MYOT: variants seen among roughly 807,000 people sequenced by gnomAD.
MYOT encodes the protein myotilin, also known as 57 kDa cytoskeletal protein.
A neutral mutation model predicts 58.0 loss-of-function variants in MYOT; 36 were observed. The ratio of observed to expected loss-of-function variants is 0.62; its 90% confidence interval spans 0.48 to 0.82. The LOEUF (loss-of-function observed/expected upper bound fraction) is 0.82, where lower values mean the gene tolerates loss of function less well. Ranked by LOEUF, MYOT falls within the 40% of genes least tolerant of loss-of-function variation. MYOT has a pLI of 0.00. For synonymous variants in MYOT, 218 were observed against 204.6 expected (o/e 1.07, Z -0.56); for missense variants, 505 against 592.1 (o/e 0.85, Z 1.53).
At position 137,882,058 on chromosome 5, in the gene MYOT, G is replaced by C; in HGVS notation, c.769G>C (p.Glu257Gln). 6.2e-7 allele frequency: 1 copy of C among 1,614,208 alleles called. No homozygotes were observed. The highest frequency in any genetic ancestry group is 1.1e-5 in the South Asian group (1 of 91,090). The change falls in exon 6 of 10, where the codon GAG becomes CAG. Residue 257 changes from glutamate (E) to glutamine (Q), a missense_variant. Transcript: ENST00000239926. The stretch of plus-strand genomic sequence containing the variant: ...CCCACCACGTTTCATTCAAGTGCCA[G>C]AGAACATGTCGATTGATGAAGGAAG... ...FYPPRFIQVPENMSIDEGRFC... is the reference protein window; with the variant it reads ...FYPPRFIQVPQNMSIDEGRFC...
intron 5 of MYOT, 29 bp from the exon 6 acceptor site, chr5:137,881,944 G>C (rs200461329): frequency 2.5e-6 from 4 of 1,608,904 alleles, no homozygotes; most frequent in Non-Finnish European, 1.7e-6. Context: ...TAATATTTAC[G>C]CATAGTTGTT....
At chr5:137,883,252 T>TTTTTTTTTTTTTTTTTGAGACG (rs1755492570) in intron 6 of MYOT, 132 bp from the exon 7 acceptor site, 1 of 723,722 alleles carries the variant, frequency 1.4e-6, no homozygotes, top group African/African-American at 1.8e-5. Flanking sequence ...TAAATACTTT[T>TTTTTTTTTTTTTTTTTGAGACG]GAGCTCTTGC....
chr5:137,876,068 A>G, intron 3 of MYOT, 65 bp downstream of exon 3: 1 of 1,530,754 alleles, frequency 6.5e-7, no homozygotes, highest in Non-Finnish European at 9.0e-7. Context: ...TTAATAAGGA[A>G]GTTCTAGCTC....
Position 137,882,088 on chromosome 5 carries a change from T to C in MYOT, c.799T>C (p.Cys267Arg). 1.2e-6 allele frequency: 2 copies of C among 1,614,206 alleles called. No homozygotes were observed. Among genetic ancestry groups the C allele is most frequent in the Non-Finnish European group, 1.7e-6 (2 of 1,180,024 alleles). ...ENMSIDEGRF[C>R]RMDFKVSGLP... Reference sequence around the variant, plus strand: ...CATGTCGATTGATGAAGGAAGATTCTGCAGAATGGACTTCAAAGTAAGAGA... The same window carrying C: ...CATGTCGATTGATGAAGGAAGATTCCGCAGAATGGACTTCAAAGTAAGAGA... The change falls in exon 6 of 10, where the codon TGC becomes CGC. Residue 267 changes from cysteine to arginine, a missense_variant. By Grantham distance (180) the Cys-to-Arg change is radical (BLOSUM62 -3). Transcript: ENST00000239926.
intron 1 of MYOT, among the ~76,000 whole-genome samples, chr5:137,869,176 C>T (rs913817013): frequency 2.0e-5 from 3 of 152,054 alleles, no homozygotes; most frequent in African/African-American, 7.2e-5. Flanking sequence ...GACTTCGTTT[C>T]AATGATGACA....
At chr5:137,880,754 A>C in intron 4 of MYOT, 62 bp from the exon 5 acceptor site, 1 of 1,325,516 alleles carries the variant, frequency 7.5e-7, no homozygotes, top group Non-Finnish European at 1.1e-6. Context: ...GTAACTACTT[A>C]ATTCTGCTTC....
chr5:137,873,295 G>A (rs1755107163), intron 2 of MYOT, among the ~76,000 whole-genome samples: 1 of 151,554 alleles, frequency 6.6e-6, no homozygotes, highest in Non-Finnish European at 1.5e-5. Context: ...GGGAGGCCAA[G>A]GTGGATGGAT....
intron 3 of MYOT, among the ~76,000 whole-genome samples, chr5:137,876,635 T>A (rs891089706): frequency 6.6e-6 from 1 of 152,044 alleles, no homozygotes; most frequent in African/African-American, 2.4e-5. Context: ...TGAAACTCCA[T>A]CTCTACTAAA....
intron 1 of MYOT, among the ~76,000 whole-genome samples, 162 bp downstream of exon 1, chr5:137,868,115 T>C (rs1580844104): frequency 6.6e-6 from 1 of 152,330 alleles, no homozygotes; most frequent in East Asian, 1.9e-4. Context: ...ACTCATTCAT[T>C]TCATTGAGAC....
At position 137,882,108 on chromosome 5, in the gene MYOT, A is replaced by T; in HGVS notation, c.816+3A>T. 1.2e-6 allele frequency: 2 copies of T among 1,614,156 alleles called. No homozygotes were observed. Among genetic ancestry groups the T allele is most frequent in the Non-Finnish European group, 1.7e-6 (2 of 1,179,988 alleles). On this transcript the variant is annotated splice_donor_region_variant and intron_variant, in intron 6 of 9. Coordinates refer to ENST00000239926, the MANE Select transcript of MYOT (RefSeq NM_006790.3). ...GATTCTGCAGAATGGACTTCAAAGT[A>T]AGAGAAGGGTTCAAAAGTACTGGGG... is the stretch of plus-strand genomic sequence containing the variant.
At position 137,886,592 on chromosome 5, in the gene MYOT, C is replaced by A; in HGVS notation, c.1191-272C>A. 4 of 482,820 alleles carry A rather than the reference C, an allele frequency of 8.3e-6. 1 individual carries two copies. The highest frequency in any genetic ancestry group is 7.8e-5 in the South Asian group (4 of 51,342). 29.9% of individuals were successfully genotyped at this position (482,820 alleles called of 1,614,324 possible). On this transcript the variant is annotated intron_variant, in intron 8 of 9. Transcript: ENST00000239926. ...AGACAGATAACGGAACAGGTCAGGA[C>A]CCCTCCATTCCCCTATACATACGCA...
rs2149987638 is a variant in MYOT at position 137,883,008 on chromosome 5, G to A, written c.817-376G>A. Reference sequence around the variant, plus strand: ...GAAAAATTACGCATTAGATCAGGAAGCCTCATATATATGTGCCTCTGGGAC... The same window carrying A: ...GAAAAATTACGCATTAGATCAGGAAACCTCATATATATGTGCCTCTGGGAC... On this transcript the variant is annotated intron_variant, in intron 6 of 9. Transcript: ENST00000239926. The A allele has an allele frequency of 1.8e-5, 4 of 222,442 alleles. No individual in the cohort carries two copies. In the South Asian group the frequency reaches 2.0e-4, roughly 11 times the overall value. The allele number at this position is 222,442 out of a possible 1,614,324, so 13.8% of individuals were successfully genotyped here.
Position 137,880,040 on chromosome 5 carries a change from A to G in MYOT, c.634-776A>G, listed in dbSNP as rs190495759. On this transcript the variant is annotated intron_variant, in intron 4 of 9. Transcript: ENST00000239926. ...ATCCCAAAGCAAATTATTTGTACTC[A>G]GATCTTGTGTGCTCCTACAGAGCTT... Among the ~76,000 whole-genome samples, 657 of 152,292 alleles carry G rather than the reference A, an allele frequency of 4.3e-3. 2 individuals carry two copies. Among genetic ancestry groups the G allele is most frequent in the Non-Finnish European group, 6.9e-3 (471 of 68,014 alleles).
At chr5:137,875,784 G>C in intron 2 of MYOT, 45 bp from the exon 3 acceptor site, 1 of 1,601,932 alleles carries the variant, frequency 6.2e-7, no homozygotes, top group Non-Finnish European at 8.6e-7. Context: ...GCAAAATGAG[G>C]CCAAGACCTT....
At chr5:137,880,726 G>A (rs1308926508) in intron 4 of MYOT, 90 bp from the exon 5 acceptor site, 18 of 1,106,286 alleles carry the variant, frequency 1.6e-5, no homozygotes, top group Non-Finnish European at 2.5e-5. Context: ...AGCCAAAATA[G>A]GAATGTTCCT....
chr5:137,879,156 A>C (rs1755332356), intron 4 of MYOT, among the ~76,000 whole-genome samples: 1 of 151,956 alleles, frequency 6.6e-6, no homozygotes, highest in Non-Finnish European at 1.5e-5. Context: ...GGCTGGTCTC[A>C]AACTCCTGAG....
At position 137,887,188 on chromosome 5, in the gene MYOT, T is replaced by C. The variant is rs573868843; in HGVS notation, c.1325-25T>C. 6.2e-6 allele frequency: 10 copies of C among 1,613,982 alleles called. No homozygotes were observed. In the African/African-American group the frequency reaches 1.2e-4, roughly 19 times the overall value. On this transcript the variant is annotated intron_variant, in intron 9 of 9. Coordinates refer to ENST00000239926, the MANE Select transcript of MYOT (RefSeq NM_006790.3). Reference sequence around the variant, plus strand: ...ATTTGGTTAGAACAGGTTTTCTGAATCAACTTTTATGTGATCTATTTCAGC... The same window carrying C: ...ATTTGGTTAGAACAGGTTTTCTGAACCAACTTTTATGTGATCTATTTCAGC...
At position 137,877,537 on chromosome 5, in the gene MYOT, G is replaced by A. The variant is rs1257349872; in HGVS notation, c.549G>A (p.Glu183=). 1 of 1,613,112 alleles carries A rather than the reference G, an allele frequency of 6.2e-7. No homozygotes were observed. The part of the protein sequence containing the change: ...HNGNQRLTYE[E]KMARRLLGPQ... ...CTCTAAAGCGTCTAACATATGAAGA[G>A]AAGATGGCTCGCAGATTGCTAGGAC... Residue 183 remains glutamate (E), a synonymous_variant, in exon 4 of 10, where the codon GAG becomes GAA. Transcript: ENST00000239926.
In MYOT at chr5:137,870,479, CAGG is replaced by C. The variant is rs1196892615; in HGVS notation, c.-170_-168del. ...CAAGAGAAGGTCACTCTACCAAAGC[CAGG>C]AGCACAGTATTCTCAGGATCTCAAC... On this transcript the variant is annotated 5_prime_UTR_variant, in exon 2 of 10. Transcript: ENST00000239926. 4.4e-6 allele frequency: 3 copies of C among 676,464 alleles called. No individual in the cohort carries two copies. The highest frequency in any genetic ancestry group is 8.0e-6 in the Non-Finnish European group (3 of 376,068). The allele number at this position is 676,464 out of a possible 1,614,324, so 41.9% of individuals were successfully genotyped here.
Sources: gnomAD v4.1 joint callset for allele counts (sites outside exome capture counted in the v4.1 genomes callset) on GRCh38, gnomAD v4.1.1 for gene constraint, MANE v1.5 for transcripts, NCBI Gene and HGNC (gene_info 2026-07-23, HGNC 2026-07-21) for gene names.